Variants in NPAS3 observed in about 807,000 individuals in gnomAD.
NPAS3 encodes the protein neuronal PAS domain protein 3, also known as neuronal PAS domain-containing protein 3.
NPAS3 carries 14 observed loss-of-function variants against 73.1 expected under a neutral mutation model. The observed-to-expected ratio is 0.19, with a 90% CI of 0.13 to 0.30. The LOEUF is 0.30. Among genes scored for constraint, NPAS3 ranks in the 10% least tolerant of loss-of-function variants. The pLI is 1.00. For synonymous variants in NPAS3, 620 were observed against 541.5 expected (o/e 1.14, Z -2.01); for missense variants, 1,096 against 1,250.0 (o/e 0.88, Z 1.86).
intron 4 of NPAS3, among the ~76,000 whole-genome samples, chr14:33,510,754 C>G (rs554093545): frequency 6.6e-6 from 1 of 152,022 alleles, no homozygotes; most frequent in Non-Finnish European, 1.5e-5. Flanking sequence ...ACCGCTTTCC[C>G]CTTCTAAGGT....
intron 6 of NPAS3, among the ~76,000 whole-genome samples, chr14:33,719,764 G>A (rs1406675487): frequency 6.6e-6 from 1 of 152,130 alleles, no homozygotes; most frequent in African/African-American, 2.4e-5. Flanking sequence ...AGTGACATTA[G>A]GGAAGTGAAC....
At chr14:33,354,043 G>A (rs1486081792) in intron 3 of NPAS3, among the ~76,000 whole-genome samples, 1 of 152,080 alleles carries the variant, frequency 6.6e-6, no homozygotes, top group African/African-American at 2.4e-5. Context: ...AAAAAATAGT[G>A]TGTTGCTTAT....
intron 7 of NPAS3, among the ~76,000 whole-genome samples, chr14:33,741,623 A>G (rs1489109194): frequency 6.6e-6 from 1 of 152,180 alleles, no homozygotes; most frequent in Non-Finnish European, 1.5e-5. Context: ...TTTATTTCCC[A>G]TTACCAAGGC....
intron 1 of NPAS3, among the ~76,000 whole-genome samples, chr14:32,988,584 A>T (rs746419727): frequency 1.3e-5 from 2 of 152,226 alleles, no homozygotes; most frequent in Non-Finnish European, 2.9e-5. Context: ...TTGTATTTAT[A>T]CAATACCTTT....
At chr14:33,300,861 C>G (rs1451806919) in intron 3 of NPAS3, among the ~76,000 whole-genome samples, 1 of 152,116 alleles carries the variant, frequency 6.6e-6, no homozygotes, top group Non-Finnish European at 1.5e-5. Context: ...CTAAGCTGCC[C>G]TGGCTCAGAT....
chr14:33,743,862 A>C (rs1595537718), intron 7 of NPAS3, among the ~76,000 whole-genome samples: 1 of 152,138 alleles, frequency 6.6e-6, no homozygotes, highest in Admixed American at 6.6e-5. Context: ...CTTTCCTCAA[A>C]CCTCATGAAT....
At chr14:33,531,824 C>T (rs1407672057) in intron 4 of NPAS3, among the ~76,000 whole-genome samples, 1 of 152,120 alleles carries the variant, frequency 6.6e-6, no homozygotes, top group Admixed American at 6.6e-5. Flanking sequence ...CTGTTGTCAG[C>T]ACTTAGGATT....
intron 4 of NPAS3, among the ~76,000 whole-genome samples, chr14:33,442,328 TCAGGAGA>T (rs2049287807): frequency 1.3e-5 from 2 of 151,980 alleles, no homozygotes; most frequent in South Asian, 4.1e-4. Context: ...CCTCACCTAC[TCAGGAGA>T]CTGAGGTGGG....
chr14:33,658,381 C>T (rs543518509), intron 5 of NPAS3, among the ~76,000 whole-genome samples: 10 of 152,292 alleles, frequency 6.6e-5, no homozygotes, highest in Non-Finnish European at 1.3e-4. Context: ...ATAGTGTCAC[C>T]TTAACTTAGT....
chr14:33,785,781 A>T lies in NPAS3; in HGVS notation c.1153+7209A>T, dbSNP rs76550411. 2.9e-3 allele frequency among the ~76,000 whole-genome samples: 438 copies of T among 152,298 alleles called. 1 individual carries two copies. The highest frequency in any genetic ancestry group is 4.7e-3 in the Non-Finnish European group (320 of 68,034). On this transcript the variant is annotated intron_variant, in intron 9 of 11. Transcript: ENST00000356141. Reference sequence around the variant, plus strand: ...GGCTTCCTAGAACTTTTGGTGGGGCATATCGACTAGAATGCACCTGGTTAC... The same window carrying T: ...GGCTTCCTAGAACTTTTGGTGGGGCTTATCGACTAGAATGCACCTGGTTAC...
intron 5 of NPAS3, among the ~76,000 whole-genome samples, chr14:33,573,848 C>T (rs562811310): frequency 3.3e-5 from 5 of 151,966 alleles, no homozygotes; most frequent in East Asian, 1.9e-4. Flanking sequence ...ATAAATAGTC[C>T]AGAAAAGAGG....
chr14:33,315,209 A>G (rs938990291), intron 3 of NPAS3, among the ~76,000 whole-genome samples: 1 of 152,126 alleles, frequency 6.6e-6, no homozygotes, highest in Non-Finnish European at 1.5e-5. Context: ...GAGCCAGCAA[A>G]CAAATGTTTA....
intron 1 of NPAS3, among the ~76,000 whole-genome samples, chr14:32,958,535 T>A (rs771032590): frequency 2.0e-5 from 3 of 152,206 alleles, no homozygotes; most frequent in African/African-American, 7.2e-5. Flanking sequence ...TTTCTACTCG[T>A]CTCATTCTGC....
In NPAS3 at chr14:33,538,035, T is replaced by C. The variant is rs548891921; in HGVS notation, c.469-22086T>C. Among the ~76,000 whole-genome samples, 512 of 152,330 alleles carry C rather than the reference T, an allele frequency of 3.4e-3. 5 individuals are homozygous for C. The highest frequency in any genetic ancestry group is 0.012 in the African/African-American group (489 of 41,576). ...CATCGGGTTGTGGTGGCATAGACCA[T>C]AAACCTGTGCAGACCACTTTACATT... On this transcript the variant is annotated intron_variant, in intron 4 of 11. Coordinates refer to ENST00000356141, the Ensembl canonical transcript of NPAS3.
intron 4 of NPAS3, among the ~76,000 whole-genome samples, chr14:33,436,748 G>A (rs1322373346): frequency 3.3e-5 from 5 of 152,138 alleles, no homozygotes; most frequent in African/African-American, 1.2e-4. Context: ...GAATAAATAT[G>A]TATATTTGGT....
At chr14:33,296,580 A>G (rs1210009928) in intron 3 of NPAS3, among the ~76,000 whole-genome samples, 2 of 152,240 alleles carry the variant, frequency 1.3e-5, no homozygotes, top group Admixed American at 6.5e-5. Context: ...AACCACCACT[A>G]TATCACAATT....
At chr14:33,134,377 C>T (rs544724730) in intron 2 of NPAS3, among the ~76,000 whole-genome samples, 1 of 152,232 alleles carries the variant, frequency 6.6e-6, no homozygotes, top group East Asian at 1.9e-4. Context: ...GCTATCATTT[C>T]AGAGTGCTTG....
chr14:33,802,799 G>A (rs2063748015), downstream of NPAS3: 1 of 152,190 alleles, frequency 6.6e-6, no homozygotes, highest in African/African-American at 2.4e-5. Flanking sequence ...TGCTTCTACT[G>A]TCTGTGAATC....
chr14:33,440,062 G>T (rs2049172074), intron 4 of NPAS3, among the ~76,000 whole-genome samples: 1 of 150,034 alleles, frequency 6.7e-6, no homozygotes, highest in African/African-American at 2.5e-5. Context: ...CTTGCAGTTA[G>T]CCCAGATCGT....
Sources: gnomAD v4.1 joint callset for allele counts (sites outside exome capture counted in the v4.1 genomes callset) on GRCh38, gnomAD v4.1.1 for gene constraint, MANE v1.5 for transcripts, NCBI Gene and HGNC (gene_info 2026-07-23, HGNC 2026-07-21) for gene names.